Variants in VMP1 observed in about 807,000 individuals in gnomAD.
VMP1 encodes the protein vacuole membrane protein 1, also known as ectopic P-granules autophagy protein 3 homolog.
In VMP1, 11 loss-of-function variants were observed where a neutral mutation model predicts 56.0. That is an observed-to-expected ratio of 0.20 (90% confidence interval 0.12 to 0.32). VMP1 has a LOEUF of 0.32. VMP1 is among the 10% of genes least tolerant of loss of function. The pLI is 1.00. For missense variants in VMP1, 296 were observed against 490.3 expected, an observed-to-expected ratio of 0.60 and a Z score of 3.74; for synonymous variants, 149 against 165.0, an observed-to-expected ratio of 0.90 and a Z score of 0.74.
At chr17:59,824,430 G>A (rs1411597576) in intron 10 of VMP1, among the ~76,000 whole-genome samples, 6 of 148,990 alleles carry the variant, frequency 4.0e-5, no homozygotes, top group East Asian at 2.0e-4. Context: ...AAAATTAGCC[G>A]GGCGTGGGGG....
intron 1 of VMP1, among the ~76,000 whole-genome samples, chr17:59,711,744 A>C (rs1183063703): frequency 6.6e-6 from 1 of 152,208 alleles, no homozygotes; most frequent in Non-Finnish European, 1.5e-5. Flanking sequence ...AGTTTAAGGC[A>C]TATTTAAATT....
chr17:59,755,426 A>G (rs2143932569), intron 5 of VMP1, among the ~76,000 whole-genome samples: 1 of 152,162 alleles, frequency 6.6e-6, no homozygotes, highest in African/African-American at 2.4e-5. Context: ...GCCTTTTAAT[A>G]TGGATTAATT....
chr17:59,746,108 C>T (rs951715716), intron 5 of VMP1, among the ~76,000 whole-genome samples: 29 of 152,146 alleles, frequency 1.9e-4, no homozygotes, highest in Non-Finnish European at 3.4e-4. Context: ...TAGATACCTA[C>T]GTGTTTGGCT....
At chr17:59,786,642 C>T (rs2037016565) in intron 7 of VMP1, among the ~76,000 whole-genome samples, 2 of 152,172 alleles carry the variant, frequency 1.3e-5, no homozygotes, top group Admixed American at 6.5e-5. Context: ...TCCCCCTCCC[C>T]TTCATTTCCA....
intron 7 of VMP1, among the ~76,000 whole-genome samples, chr17:59,786,983 T>A (rs2037026940): frequency 6.6e-6 from 1 of 152,202 alleles, no homozygotes; most frequent in African/African-American, 2.4e-5. Context: ...CACCCAATAA[T>A]GTTTAGTTTT....
At chr17:59,813,516 G>A (rs2038124594) in intron 9 of VMP1, among the ~76,000 whole-genome samples, 1 of 151,724 alleles carries the variant, frequency 6.6e-6, no homozygotes, top group Non-Finnish European at 1.5e-5. Context: ...GGTGGAGGTT[G>A]CGGTGAGCCG....
chr17:59,723,324 A>G (rs2034470019), intron 1 of VMP1, among the ~76,000 whole-genome samples: 1 of 152,292 alleles, frequency 6.6e-6, no homozygotes, highest in South Asian at 2.1e-4. Context: ...TTAGGGAGAG[A>G]ATATAAAGGA....
chr17:59,803,371 G>A (rs2144185330), intron 7 of VMP1, among the ~76,000 whole-genome samples: 1 of 152,248 alleles, frequency 6.6e-6, no homozygotes, highest in Middle Eastern at 3.4e-3. Flanking sequence ...TGTAGTGCTT[G>A]GGAAAATGTT....
At chr17:59,721,242 A>T (rs1030823290) in intron 1 of VMP1, among the ~76,000 whole-genome samples, 1 of 152,028 alleles carries the variant, frequency 6.6e-6, no homozygotes, top group African/African-American at 2.4e-5. Context: ...GCTACTCGGG[A>T]GGCTGAGGCA....
intron 7 of VMP1, among the ~76,000 whole-genome samples, chr17:59,806,614 C>G (rs1393649279): frequency 6.6e-6 from 1 of 150,860 alleles, no homozygotes; most frequent in Non-Finnish European, 1.5e-5. Context: ...GCTCAGGAGG[C>G]TGAGACAAGA....
intron 7 of VMP1, among the ~76,000 whole-genome samples, chr17:59,798,323 G>A (rs1303028090): frequency 1.3e-5 from 2 of 152,116 alleles, no homozygotes; most frequent in African/African-American, 4.8e-5. Context: ...TTTCCTGTGT[G>A]TATACATGAA....
At chr17:59,754,172 T>C (rs989146748) in intron 5 of VMP1, among the ~76,000 whole-genome samples, 7 of 152,240 alleles carry the variant, frequency 4.6e-5, no homozygotes, top group African/African-American at 1.7e-4. Context: ...TACAGGTCAA[T>C]TGATGACTAA....
At chr17:59,794,714 G>A (rs2037373494) in intron 7 of VMP1, among the ~76,000 whole-genome samples, 1 of 150,862 alleles carries the variant, frequency 6.6e-6, no homozygotes, top group African/African-American at 2.4e-5. Flanking sequence ...ATCTGAACAT[G>A]GTAATAAATA....
chr17:59,733,006 A>C (rs983997215), intron 2 of VMP1, among the ~76,000 whole-genome samples: 2 of 152,114 alleles, frequency 1.3e-5, no homozygotes, highest in Non-Finnish European at 2.9e-5. Flanking sequence ...CATCTCTGCA[A>C]AAGATTTTAA....
intron 7 of VMP1, among the ~76,000 whole-genome samples, chr17:59,774,627 A>G (rs2036552748): frequency 1.3e-5 from 2 of 152,162 alleles, no homozygotes; most frequent in Admixed American, 6.6e-5. Flanking sequence ...ATATATGACA[A>G]TAGTAATAGT....
At chr17:59,809,484 ATTTTTTTTTTTTTTTTTTTTTTTT>A (rs71145575) in intron 8 of VMP1, among the ~76,000 whole-genome samples, 5 of 52,714 alleles carry the variant, frequency 9.5e-5, no homozygotes, top group East Asian at 5.1e-4. Flanking sequence ...CACCCAGCTA[ATTTTTTTTTTTTTTTTTTTTTTTT>A]TTTTTTTTTT....
Position 59,819,024 on chromosome 17 carries a change from T to G in VMP1, c.974+1251T>G, listed in dbSNP as rs186154942. ...TTTTGGTCATATATATGTTCATTCT[T>G]TTCTATGTATTGTAATAAAATAGTT... On this transcript the variant is annotated intron_variant, in intron 10 of 11. Coordinates refer to ENST00000262291, the MANE Select transcript of VMP1 (RefSeq NM_030938.5). Among the ~76,000 whole-genome samples, 16 of 152,280 alleles carry G rather than the reference T, an allele frequency of 1.1e-4. No individual in the cohort carries two copies. In the East Asian group the frequency reaches 2.9e-3, roughly 28 times the overall value.
intron 1 of VMP1, among the ~76,000 whole-genome samples, chr17:59,731,122 T>C (rs2034806886): frequency 6.6e-6 from 1 of 152,192 alleles, no homozygotes; most frequent in Non-Finnish European, 1.5e-5. Context: ...ATATCCTCCT[T>C]CTGTGGACAG....
intron 7 of VMP1, among the ~76,000 whole-genome samples, chr17:59,806,121 G>A (rs1389866673): frequency 6.6e-6 from 1 of 151,898 alleles, no homozygotes; most frequent in Non-Finnish European, 1.5e-5. Context: ...TGCTTCAAAT[G>A]GATTATAAAC....
Sources: gnomAD v4.1 joint callset for allele counts (sites outside exome capture counted in the v4.1 genomes callset) on GRCh38, gnomAD v4.1.1 for gene constraint, MANE v1.5 for transcripts, NCBI Gene and HGNC (gene_info 2026-07-23, HGNC 2026-07-21) for gene names.